CNTNAP2: variants seen among roughly 807,000 people sequenced by gnomAD.
CNTNAP2 encodes contactin-associated protein-like 2.
Under a neutral mutation model 155.2 loss-of-function variants are expected in CNTNAP2, and 98 were observed. The ratio of observed to expected loss-of-function variants is 0.63; its 90% CI spans 0.54 to 0.75. CNTNAP2 has a LOEUF of 0.75. Ranked by LOEUF, CNTNAP2 falls within the 30% of genes least tolerant of loss-of-function variation. The pLI, the probability that CNTNAP2 is intolerant of heterozygous loss-of-function variation, is 0.00. For missense variants in CNTNAP2, 1,727 were observed against 1,688.1 expected (o/e 1.02, Z -0.40); for synonymous variants, 651 against 631.2 (o/e 1.03, Z -0.47).
intron 13 of CNTNAP2, among the ~76,000 whole-genome samples, chr7:147,885,689 G>A (rs762654889): frequency 2.6e-5 from 4 of 152,000 alleles, no homozygotes; most frequent in African/African-American, 9.7e-5. Flanking sequence ...TGAGTCTGCC[G>A]CTCAGATGAT....
intron 13 of CNTNAP2, among the ~76,000 whole-genome samples, chr7:147,884,773 G>A (rs570240024): frequency 6.6e-6 from 1 of 152,302 alleles, no homozygotes; most frequent in South Asian, 2.1e-4. Context: ...CTGTGAGATT[G>A]GAGGACTTTG....
rs577678436 is a variant in CNTNAP2, at chr7:146,478,339, G to A, written c.98-295932G>A. On this transcript the variant is annotated intron_variant, in intron 1 of 23. Coordinates refer to ENST00000361727, the MANE Select transcript of CNTNAP2 (RefSeq NM_014141.6). ...CGAGAAAAAGAAAACAAACAAACAT[G>A]CACACAAACAAAAAACCACCAAGAG... 1.8e-3 allele frequency among the ~76,000 whole-genome samples: 280 copies of A among 151,994 alleles called. 1 individual carries two copies. Among genetic ancestry groups the A allele is most frequent in the African/African-American group, 6.0e-3 (249 of 41,450 alleles).
intron 1 of CNTNAP2, among the ~76,000 whole-genome samples, chr7:146,611,877 CAG>C (rs1392766362): frequency 5.3e-5 from 8 of 152,126 alleles, no homozygotes; most frequent in Non-Finnish European, 1.2e-4. Context: ...ACAGGCCAAA[CAG>C]AAAGTCTTCT....
intron 15 of CNTNAP2, among the ~76,000 whole-genome samples, chr7:147,981,396 C>CA (rs1428494227): frequency 6.6e-6 from 1 of 152,222 alleles, no homozygotes; most frequent in Non-Finnish European, 1.5e-5. Context: ...TAAAAAGTGG[C>CA]ATAGTGCATT....
intron 3 of CNTNAP2, among the ~76,000 whole-genome samples, chr7:146,956,519 A>G (rs1466893537): frequency 1.3e-5 from 2 of 152,180 alleles, no homozygotes. Flanking sequence ...TGCAATTTGC[A>G]ATTATCTCCT....
At chr7:147,885,714 C>A (rs972173871) in intron 13 of CNTNAP2, among the ~76,000 whole-genome samples, 1 of 152,170 alleles carries the variant, frequency 6.6e-6, no homozygotes, top group Non-Finnish European at 1.5e-5. Flanking sequence ...ATCCTCAAAT[C>A]TGATGATGTC....
chr7:147,833,911 G>A (rs973979783), intron 13 of CNTNAP2, among the ~76,000 whole-genome samples: 20 of 152,168 alleles, frequency 1.3e-4, no homozygotes, highest in Non-Finnish European at 2.1e-4. Flanking sequence ...GCTGGGGAGC[G>A]AGGGACTATG....
chr7:146,297,214 A>G (rs1226727477), intron 1 of CNTNAP2, among the ~76,000 whole-genome samples: 1 of 152,148 alleles, frequency 6.6e-6, no homozygotes, highest in Non-Finnish European at 1.5e-5. Flanking sequence ...ATTGAAAATC[A>G]TTAATTTCCC....
At chr7:147,944,312 C>T (rs370245307) in intron 14 of CNTNAP2, among the ~76,000 whole-genome samples, 15 of 152,188 alleles carry the variant, frequency 9.9e-5, no homozygotes, top group Admixed American at 2.0e-4. Context: ...AAATAAATAC[C>T]GTCTTTTAAA....
At chr7:147,920,124 C>T (rs992827423) in intron 14 of CNTNAP2, among the ~76,000 whole-genome samples, 2 of 151,282 alleles carry the variant, frequency 1.3e-5, no homozygotes, top group African/African-American at 4.9e-5. Context: ...TTTGGGAGGC[C>T]GAGGCGGGCA....
chr7:147,161,323 TGA>T (rs1439548667), intron 8 of CNTNAP2, among the ~76,000 whole-genome samples: 1 of 152,170 alleles, frequency 6.6e-6, no homozygotes, highest in African/African-American at 2.4e-5. Flanking sequence ...CCTCCTCCTG[TGA>T]GGCTGTTTTA....
At chr7:147,759,861 A>AT (rs1797273354) in intron 13 of CNTNAP2, among the ~76,000 whole-genome samples, 1 of 152,112 alleles carries the variant, frequency 6.6e-6, no homozygotes, top group Admixed American at 6.6e-5. Flanking sequence ...TTCTTCATTC[A>AT]TTTGCTGTAA....
intron 13 of CNTNAP2, among the ~76,000 whole-genome samples, chr7:147,805,740 A>C (rs1798080870): frequency 6.6e-6 from 1 of 152,096 alleles, no homozygotes; most frequent in African/African-American, 2.4e-5. Flanking sequence ...ACTGATTTGC[A>C]TTTGTTGAGC....
intron 18 of CNTNAP2, among the ~76,000 whole-genome samples, chr7:148,186,900 A>T (rs138767264): frequency 4.4e-3 from 668 of 152,248 alleles, no homozygotes; most frequent in Non-Finnish European, 6.5e-3. Context: ...GCCTTGAAAG[A>T]TATTGGCCTT....
rs1563151699 is a variant in CNTNAP2 at position 147,300,263 on chromosome 7, A to C, written c.1471A>C (p.Lys491Gln). The C allele has an allele frequency of 6.2e-7, 1 of 1,613,926 alleles. No homozygotes were observed. The highest frequency in any genetic ancestry group is 8.5e-7 in the Non-Finnish European group (1 of 1,179,894). ...AVRTNSPLQV[K>Q]TGEKYFFGGF... ...TCGAACTAATAGTCCCCTTCAAGTT[A>C]AAACTGGCGAGAAGTACTTTTTTGG... is the stretch of plus-strand genomic sequence containing the variant. The change falls in exon 9 of 24, where the codon AAA becomes CAA. Residue 491 changes from lysine to glutamine, a missense_variant. Lys to Gln is a moderately conservative substitution (Grantham distance 53). Coordinates refer to ENST00000361727, the MANE Select transcript of CNTNAP2 (RefSeq NM_014141.6).
rs547156857 is a variant in CNTNAP2, at chr7:148,141,839, T to A, written c.2555-5652T>A. ...AGTAAACGCTCAGCCACAGAGTTAT[T>A]TGGGTAAAGTGAACAGCAAGTTCTA... On this transcript the variant is annotated intron_variant, in intron 16 of 23. Transcript: ENST00000361727. 1.6e-4 allele frequency among the ~76,000 whole-genome samples: 24 copies of A among 152,266 alleles called. No individual in the cohort carries two copies. In the South Asian group the frequency reaches 5.0e-3, roughly 32 times the overall value.
intron 13 of CNTNAP2, among the ~76,000 whole-genome samples, chr7:147,779,922 C>T (rs1797639186): frequency 6.6e-6 from 1 of 152,192 alleles, no homozygotes; most frequent in African/African-American, 2.4e-5. Flanking sequence ...TCCCTTTTAA[C>T]AAATACATAG....
intron 14 of CNTNAP2, among the ~76,000 whole-genome samples, chr7:147,970,804 C>T (rs561082325): frequency 6.6e-6 from 1 of 152,264 alleles, no homozygotes; most frequent in Non-Finnish European, 1.5e-5. Flanking sequence ...GATTGAGACA[C>T]AGTCCCTAAA....
chr7:146,698,102 C>T (rs1393204518), intron 1 of CNTNAP2, among the ~76,000 whole-genome samples: 4 of 152,126 alleles, frequency 2.6e-5, no homozygotes, highest in East Asian at 3.8e-4. Flanking sequence ...CCCCCTATGT[C>T]ATCACATGTA....
Sources: allele counts gnomAD v4.1 joint callset (sites outside exome capture counted in the v4.1 genomes callset), GRCh38; gene constraint gnomAD v4.1.1; transcripts MANE v1.5; gene names NCBI Gene and HGNC (gene_info 2026-07-23, HGNC 2026-07-21).